ZNF439: variants seen among roughly 807,000 people sequenced by gnomAD.
ZNF439 encodes the protein zinc finger protein 439.
A neutral mutation model predicts 47.3 loss-of-function variants in ZNF439; 40 were observed. The observed-to-expected ratio is 0.85, with a 90% confidence interval of 0.66 to 1.10. ZNF439 has a LOEUF of 1.10. Among genes scored for constraint, ZNF439 ranks in the 50% least tolerant of loss-of-function variants. The pLI, the probability that ZNF439 is intolerant of heterozygous loss-of-function variation, is 0.00. For missense variants in ZNF439, 556 were observed against 601.1 expected (o/e 0.93, Z 0.78); for synonymous variants, 171 against 198.8 (o/e 0.86, Z 1.18).
intron 3 of ZNF439, 138 bp downstream of exon 3, chr19:11,866,735 A>G: frequency 1.1e-6 from 1 of 937,412 alleles, no homozygotes; most frequent in East Asian, 3.0e-5. Context: ...CTAAAAATAT[A>G]TATTTAAATG....
At chr19:11,851,652 C>A (rs889449019) in intron 1 of ZNF439, among the ~76,000 whole-genome samples, 2 of 143,072 alleles carry the variant, frequency 1.4e-5, no homozygotes, top group Non-Finnish European at 3.0e-5. Context: ...GTATGAGGTA[C>A]AATAATTTAA....
chr19:11,852,778 G>A (rs372480072), intron 1 of ZNF439, among the ~76,000 whole-genome samples: 3 of 152,076 alleles, frequency 2.0e-5, no homozygotes, highest in Admixed American at 6.5e-5. Context: ...CCAAAGTGGC[G>A]GGATTACAGG....
Position 11,868,111 on chromosome 19 carries a change from C to A in ZNF439, c.1057C>A (p.His353Asn), listed in dbSNP as rs547603309. ...LTSFQTHIRM[H>N]SGERPYECKT... is the part of the protein sequence containing the mutation. ...AAGTTTTCAAACACACATAAGAATG[C>A]ACTCTGGAGAAAGACCTTATGAATG... The change falls in exon 4 of 4, where the codon CAC becomes AAC. Residue 353 changes from histidine to asparagine, a missense_variant. By Grantham distance (68) the His-to-Asn change is moderately conservative. Transcript: ENST00000682736. 1 of 1,614,180 alleles carries A rather than the reference C, an allele frequency of 6.2e-7. No individual in the cohort carries two copies. The highest frequency in any genetic ancestry group is 1.3e-5 in the African/African-American group (1 of 75,044).
chr19:11,868,649 T>A lies in ZNF439; in HGVS notation c.*80T>A. On this transcript the variant is annotated 3_prime_UTR_variant, in exon 4 of 4. Transcript: ENST00000682736. ...AAAAATTCACACTGGAGAGAAACCC[T>A]ATAAATGCAAGCAATGTGGTAAAGC... 6.9e-7 allele frequency: 1 copy of A among 1,441,152 alleles called. No homozygotes were observed. Among genetic ancestry groups the A allele is most frequent in the Non-Finnish European group, 9.6e-7 (1 of 1,045,780 alleles). The allele number at this position is 1,441,152 out of a possible 1,614,324, so 89.3% of individuals were successfully genotyped here. A position where few individuals can be genotyped will look rare whatever the true frequency, so the allele number is the denominator to read the frequency against.
At position 11,848,828 on chromosome 19, in the gene ZNF439, G is replaced by A. The variant is rs1976145284; in HGVS notation, c.-40G>A. ...CCTTTCCAGCCCCGAGAGGGACCTA[G>A]TGCCTCTACCCAGATTTCTGTCGCT... On this transcript the variant is annotated 5_prime_UTR_variant, in exon 1 of 4. In the 5' UTR this introduces an upstream ATG that the reference lacks. Transcript: ENST00000682736. 4.6e-6 allele frequency: 7 copies of A among 1,518,078 alleles called. No individual in the cohort carries two copies. The highest frequency in any genetic ancestry group is 5.4e-6 in the Non-Finnish European group (6 of 1,121,444). The allele number at this position is 1,518,078 out of a possible 1,614,324, so 94.0% of individuals were successfully genotyped here. A position where few individuals can be genotyped will look rare whatever the true frequency, so the allele number is the denominator to read the frequency against.
chr19:11,862,071 GTTTTTA>G (rs1425900073), intron 1 of ZNF439, among the ~76,000 whole-genome samples: 3 of 152,100 alleles, frequency 2.0e-5, no homozygotes, highest in Non-Finnish European at 4.4e-5. Flanking sequence ...AACTCATTTA[GTTTTTA>G]TTTTTATTTA....
In ZNF439 at chr19:11,867,981, A is replaced by G; in HGVS notation, c.927A>G (p.Gly309=). Residue 309 remains glycine (G), a synonymous_variant, in exon 4 of 4, where the codon GGA becomes GGG. Coordinates refer to ENST00000682736, the MANE Select transcript of ZNF439 (RefSeq NM_001348719.2). ...GEKAYQCKEC[G]KAFMCPRYVR... is the part of the protein sequence containing the mutation. Reference sequence around the variant, plus strand: ...AGGCTTATCAATGTAAGGAATGTGGAAAAGCATTCATGTGTCCCCGTTATG... The same window carrying G: ...AGGCTTATCAATGTAAGGAATGTGGGAAAGCATTCATGTGTCCCCGTTATG... 1.2e-6 allele frequency: 2 copies of G among 1,614,094 alleles called. No homozygotes were observed. The highest frequency in any genetic ancestry group is 2.2e-5 in the South Asian group (2 of 91,078).
chr19:11,849,133 G>C, intron 1 of ZNF439: 1 of 1,149,502 alleles, frequency 8.7e-7, no homozygotes, highest in Non-Finnish European at 1.1e-6. Flanking sequence ...CGTCGACTGC[G>C]GCCTTGGCCC....
At chr19:11,858,032 T>G (rs1976433251) in intron 1 of ZNF439, 2 of 152,238 alleles carry the variant, frequency 1.3e-5, no homozygotes, top group Admixed American at 6.5e-5. Context: ...TACAAAATGC[T>G]GACAGCGTAG....
Position 11,868,631 on chromosome 19 carries a change from C to A in ZNF439, c.*62C>A. 1 of 1,525,980 alleles carries A rather than the reference C, an allele frequency of 6.6e-7. No homozygotes were observed. The allele number at this position is 1,525,980 out of a possible 1,614,324, so 94.5% of individuals were successfully genotyped here. ...GTTATTTCAAACACATGAAAAAATT[C>A]ACACTGGAGAGAAACCCTATAAATG... On this transcript the variant is annotated 3_prime_UTR_variant, in exon 4 of 4. Coordinates refer to ENST00000682736, the MANE Select transcript of ZNF439 (RefSeq NM_001348719.2).
intron 1 of ZNF439, among the ~76,000 whole-genome samples, chr19:11,854,438 G>A (rs2145159085): frequency 6.6e-6 from 1 of 152,326 alleles, no homozygotes; most frequent in Non-Finnish European, 1.5e-5. Context: ...GCCCAGGGAT[G>A]CAACCCAAAA....
intron 1 of ZNF439, among the ~76,000 whole-genome samples, chr19:11,864,964 G>T (rs77942899): frequency 6.6e-6 from 1 of 151,974 alleles, no homozygotes; most frequent in African/African-American, 2.4e-5. Flanking sequence ...ATTTTTAGTA[G>T]AGACAAGGTT....
At chr19:11,855,771 G>C (rs10410537) in intron 1 of ZNF439, among the ~76,000 whole-genome samples, 1 of 152,210 alleles carries the variant, frequency 6.6e-6, no homozygotes, top group Non-Finnish European at 1.5e-5. Context: ...GGCATCAGGG[G>C]TTTTTGCCTG....
At chr19:11,849,016 G>A (rs1976152624) in intron 1 of ZNF439, 86 bp downstream of exon 1, 1 of 1,386,988 alleles carries the variant, frequency 7.2e-7, no homozygotes, top group South Asian at 1.2e-5. Flanking sequence ...GCGACTCCGG[G>A]GTCTGGGACC....
rs750574072 is a variant in ZNF439 at position 11,868,221 on chromosome 19, C to G, written c.1167C>G (p.Cys389Trp). ...KTHSGEKPYKCKQCGKAFTRS... is the reference protein window; with the variant it reads ...KTHSGEKPYKWKQCGKAFTRS... ...ACAGTGGAGAGAAACCGTATAAATG[C>G]AAGCAATGTGGTAAAGCCTTCACTC... The change falls in exon 4 of 4, where the codon TGC becomes TGG. Residue 389 changes from cysteine (C) to tryptophan (W), a missense_variant. Coordinates refer to ENST00000682736, the MANE Select transcript of ZNF439 (RefSeq NM_001348719.2). 1 of 1,613,924 alleles carries G rather than the reference C, an allele frequency of 6.2e-7. No homozygotes were observed. The highest frequency in any genetic ancestry group is 8.5e-7 in the Non-Finnish European group (1 of 1,179,970).
chr19:11,860,356 G>A (rs1976505918), intron 1 of ZNF439, among the ~76,000 whole-genome samples: 2 of 152,082 alleles, frequency 1.3e-5, no homozygotes, highest in African/African-American at 4.8e-5. Context: ...GAAACTTCCT[G>A]TTCCCAGTAC....
intron 1 of ZNF439, among the ~76,000 whole-genome samples, chr19:11,860,676 GC>G (rs1191854492): frequency 6.6e-6 from 1 of 152,190 alleles, no homozygotes; most frequent in African/African-American, 2.4e-5. Flanking sequence ...GTGAACAAGG[GC>G]CCTGAGCTTC....
chr19:11,866,387 C>T lies in ZNF439; in HGVS notation c.190+56C>T, dbSNP rs557145925. On this transcript the variant is annotated intron_variant, in intron 2 of 3. Transcript: ENST00000682736. Reference sequence around the variant, plus strand: ...CATTAGTTTACCAATGTTTCTAGCTCACCAATGCTGTTGAGTGATTTGGAA... The same window carrying T: ...CATTAGTTTACCAATGTTTCTAGCTTACCAATGCTGTTGAGTGATTTGGAA... 12 of 1,610,848 alleles carry T rather than the reference C, an allele frequency of 7.4e-6. No individual in the cohort carries two copies. The African/African-American group carries it at 1.5e-4, about 20-fold the overall frequency.
intron 1 of ZNF439, among the ~76,000 whole-genome samples, chr19:11,861,422 G>A (rs1976538021): frequency 6.6e-6 from 1 of 152,140 alleles, no homozygotes; most frequent in Non-Finnish European, 1.5e-5. Context: ...TCTCCTGGAG[G>A]GTCTAGTGGG....
Sources: gnomAD v4.1 joint callset for allele counts (sites outside exome capture counted in the v4.1 genomes callset) on GRCh38, gnomAD v4.1.1 for gene constraint, MANE v1.5 for transcripts, NCBI Gene and HGNC (gene_info 2026-07-23, HGNC 2026-07-21) for gene names.